The following ORC5 variants were observed in gnomAD, a reference collection of about 807,000 sequenced individuals.
The protein encoded by ORC5 is protein phosphatase 1, regulatory subunit 117.
In ORC5, 39 loss-of-function variants were observed where a neutral mutation model predicts 58.8. The observed-to-expected ratio is 0.66, with a 90% CI of 0.51 to 0.87. ORC5 has a LOEUF of 0.87. Ranked by LOEUF, ORC5 falls within the 40% of genes least tolerant of loss-of-function variation. ORC5 has a pLI of 0.00. For missense variants in ORC5, 493 were observed against 506.3 expected, an observed-to-expected ratio of 0.97 and a Z score of 0.25; for synonymous variants, 218 against 177.6, an observed-to-expected ratio of 1.23 and a Z score of -1.81.
At chr7:104,140,558 T>C (rs1798656069) in intron 12 of ORC5, among the ~76,000 whole-genome samples, 1 of 151,680 alleles carries the variant, frequency 6.6e-6, no homozygotes, top group Non-Finnish European at 1.5e-5. Flanking sequence ...ATCTGCATAC[T>C]AGCAATCCTC....
At chr7:104,195,093 A>C in intron 5 of ORC5, 50 bp downstream of exon 5, 1 of 935,790 alleles carries the variant, frequency 1.1e-6, no homozygotes, top group South Asian at 1.6e-5. Flanking sequence ...TCAAACAACA[A>C]AAACTATTCT....
At chr7:104,170,339 A>G (rs796323840) in intron 8 of ORC5, among the ~76,000 whole-genome samples, 3 of 152,296 alleles carry the variant, frequency 2.0e-5, no homozygotes, top group African/African-American at 7.2e-5. Flanking sequence ...TATGGGGTAA[A>G]AGGGACTTAG....
chr7:104,127,174 GA>G (rs1798442425), intron 13 of ORC5, among the ~76,000 whole-genome samples: 1 of 151,436 alleles, frequency 6.6e-6, no homozygotes, highest in African/African-American at 2.4e-5. Flanking sequence ...TTGTACTACA[GA>G]AAGTTTAGAC....
chr7:104,206,484 G>A (rs920279131), intron 1 of ORC5, among the ~76,000 whole-genome samples: 3 of 152,096 alleles, frequency 2.0e-5, no homozygotes, highest in African/African-American at 7.2e-5. Flanking sequence ...AGTGATCTGC[G>A]TTCCATAGAT....
At chr7:104,172,037 C>T (rs1364784556) in intron 8 of ORC5, among the ~76,000 whole-genome samples, 1 of 152,328 alleles carries the variant, frequency 6.6e-6, no homozygotes, top group South Asian at 2.1e-4. Context: ...ACAATCTTCT[C>T]TTTTCCTTTC....
rs540305458 is a variant in ORC5, at chr7:104,160,362, A to AT, written c.1149+709dup. On this transcript the variant is annotated intron_variant, in intron 12 of 13. Transcript: ENST00000297431. ...CCTAAAAATGCATAGAGAAAACAAAATGCTCACTGCAATATCTGACATGAC... is the reference window on the plus strand; with the variant it reads ...CCTAAAAATGCATAGAGAAAACAAAATTGCTCACTGCAATATCTGACATGAC... Among the ~76,000 whole-genome samples the AT allele has an allele frequency of 3.3e-3, 503 of 152,254 alleles. 3 individuals are homozygous for AT. The highest frequency in any genetic ancestry group is 0.012 in the African/African-American group (488 of 41,550).
intron 12 of ORC5, among the ~76,000 whole-genome samples, chr7:104,156,289 A>AT (rs747443057): frequency 1.3e-5 from 2 of 151,790 alleles, no homozygotes; most frequent in Non-Finnish European, 3.0e-5. Flanking sequence ...AGTTCAATAA[A>AT]TCTGAACATT....
Position 104,168,528 on chromosome 7 carries a change from G to GA in ORC5, c.825-4dup, listed in dbSNP as rs770753563. ...TCTGTAGCTTTTCCCACTGGGAACTGAAAAAAAATAGAAGAGCAAAAATGA... is the reference window on the plus strand; with the variant it reads ...TCTGTAGCTTTTCCCACTGGGAACTGAAAAAAAAATAGAAGAGCAAAAATGA... On this transcript the variant is annotated splice_region_variant and splice_polypyrimidine_tract_variant and intron_variant, in intron 8 of 13. Transcript: ENST00000297431. The GA allele has an allele frequency of 7.8e-5, 118 of 1,517,368 alleles. No homozygotes were observed. Among genetic ancestry groups the GA allele is most frequent in the South Asian group, 1.4e-4 (11 of 77,534 alleles). The allele number at this position is 1,517,368 out of a possible 1,614,324, so 94.0% of individuals were successfully genotyped here.
In ORC5 at chr7:104,136,716, C is replaced by A; in HGVS notation, c.1262+65G>T. 5.0e-6 allele frequency: 5 copies of A among 1,004,150 alleles called. No individual in the cohort carries two copies. The Admixed American group carries it at 8.7e-5, about 18-fold the overall frequency. 62.2% of individuals were successfully genotyped at this position (1,004,150 alleles called of 1,614,324 possible). A position where few individuals can be genotyped will look rare whatever the true frequency, so the allele number is the denominator to read the frequency against. ...CATGTTTAAATGTCATGACTAATGA[C>A]ATCACATTTGGAAAACACTAATTTT... is the stretch of plus-strand genomic sequence containing the variant. On this transcript the variant is annotated intron_variant, in intron 13 of 13. Transcript: ENST00000297431. This position sits in a 1 kb window ranked among gnomAD's most constrained non-coding sequence, Gnocchi z 4.2.
chr7:104,205,457 TAA>T (rs1237537762), intron 1 of ORC5, among the ~76,000 whole-genome samples: 7 of 152,260 alleles, frequency 4.6e-5, no homozygotes, highest in African/African-American at 1.4e-4. Context: ...ATCAGAAAGT[TAA>T]GTCTCTATTA....
chr7:104,166,400 C>T (rs531465294), intron 10 of ORC5, among the ~76,000 whole-genome samples: 1 of 152,308 alleles, frequency 6.6e-6, no homozygotes, highest in East Asian at 1.9e-4. Flanking sequence ...ATTTCTCCAA[C>T]TAATGTATGT....
intron 3 of ORC5, among the ~76,000 whole-genome samples, chr7:104,199,592 T>C (rs1799887515): frequency 6.6e-6 from 1 of 152,292 alleles, no homozygotes; most frequent in Non-Finnish European, 1.5e-5. Flanking sequence ...TTGAAAAGGC[T>C]GTATTTACCC....
At chr7:104,162,131 T>G (rs1799035524) in intron 11 of ORC5, among the ~76,000 whole-genome samples, 1 of 152,202 alleles carries the variant, frequency 6.6e-6, no homozygotes, top group South Asian at 2.1e-4. Context: ...GAGACAATGC[T>G]CAAGTTCCAT....
chr7:104,152,336 G>A (rs1485647386), intron 12 of ORC5, among the ~76,000 whole-genome samples: 1 of 151,970 alleles, frequency 6.6e-6, no homozygotes, highest in Non-Finnish European at 1.5e-5. Context: ...TAGATACAGG[G>A]TCTCACTATG....
intron 12 of ORC5, among the ~76,000 whole-genome samples, chr7:104,140,184 AT>A (rs1469609772): frequency 6.6e-6 from 1 of 152,110 alleles, no homozygotes; most frequent in East Asian, 1.9e-4. Flanking sequence ...TCTCATGTAA[AT>A]AACATATAGT....
intron 8 of ORC5, among the ~76,000 whole-genome samples, chr7:104,171,746 C>T (rs1386786514): frequency 3.3e-5 from 5 of 152,042 alleles, no homozygotes; most frequent in South Asian, 2.1e-4. Flanking sequence ...CCCAGCTACT[C>T]GGGAGGCTCA....
intron 8 of ORC5, among the ~76,000 whole-genome samples, chr7:104,182,798 A>G (rs1799462081): frequency 6.6e-6 from 1 of 152,142 alleles, no homozygotes; most frequent in Non-Finnish European, 1.5e-5. Flanking sequence ...TATACATTTT[A>G]CTTTGTATTT....
intron 12 of ORC5, among the ~76,000 whole-genome samples, chr7:104,155,687 T>TGG (rs1798914653): frequency 6.8e-6 from 1 of 147,280 alleles, no homozygotes; most frequent in East Asian, 2.0e-4. Flanking sequence ...AATTTTATTC[T>TGG]CTGGGAAAAA....
Position 104,204,181 on chromosome 7 carries a change from T to C in ORC5, c.126A>G (p.Gly42=). The change falls in exon 2 of 14, where the codon GGA becomes GGG. Residue 42 remains glycine, a synonymous_variant. Coordinates refer to ENST00000297431, the MANE Select transcript of ORC5 (RefSeq NM_002553.4). ...SIFIYGHTAS[G]KTYVTQTLLK... ...ACAACGTTTGTGTTACATAGGTCTT[T>C]CCACTAGCAGTATGTCCATAAATAA... The C allele has an allele frequency of 6.2e-7, 1 of 1,601,192 alleles. No homozygotes were observed. Among genetic ancestry groups the C allele is most frequent in the Non-Finnish European group, 8.5e-7 (1 of 1,173,488 alleles).
Sources: allele counts gnomAD v4.1 joint callset (sites outside exome capture counted in the v4.1 genomes callset), GRCh38; gene constraint gnomAD v4.1.1; non-coding constraint Gnocchi (gnomAD v3.1); transcripts MANE v1.5; gene names NCBI Gene and HGNC (gene_info 2026-07-23, HGNC 2026-07-21).